FCHSD2: variants seen among roughly 807,000 people sequenced by gnomAD.
FCHSD2 encodes the protein FCH and double SH3 domains 2, also known as F-BAR and double SH3 domains protein 2.
FCHSD2 carries 38 observed loss-of-function variants against 108.1 expected under a neutral mutation model. That is an observed-to-expected ratio of 0.35 (90% CI 0.27 to 0.46). FCHSD2 has a LOEUF of 0.46. FCHSD2 is among the 20% of genes least tolerant of loss of function. FCHSD2 has a pLI of 1.00. For synonymous variants in FCHSD2, 279 were observed against 314.7 expected, an observed-to-expected ratio of 0.89 and a Z score of 1.20; for missense variants, 751 against 897.8, an observed-to-expected ratio of 0.84 and a Z score of 2.09.
intron 2 of FCHSD2, among the ~76,000 whole-genome samples, chr11:73,090,070 G>C (rs1245081783): frequency 6.6e-6 from 1 of 151,632 alleles, no homozygotes; most frequent in African/African-American, 2.4e-5. Context: ...AAATTCTCAG[G>C]GAAAAAAGAT....
intron 18 of FCHSD2, 110 bp from the exon 19 acceptor site, chr11:72,841,069 G>A: frequency 1.3e-6 from 1 of 779,060 alleles, no homozygotes; most frequent in Non-Finnish European, 2.2e-6. Context: ...TTGGGATACT[G>A]AGGCGGGAGG....
chr11:72,980,663 A>G (rs910959972), intron 8 of FCHSD2, among the ~76,000 whole-genome samples: 57 of 107,202 alleles, frequency 5.3e-4, no homozygotes, highest in South Asian at 9.7e-4. Flanking sequence ...ATGTATGTGT[A>G]TGTGTGTGTG....
chr11:72,918,114 C>A (rs2135306055), intron 9 of FCHSD2, among the ~76,000 whole-genome samples: 1 of 152,140 alleles, frequency 6.6e-6, no homozygotes, highest in African/African-American at 2.4e-5. Context: ...CCTTTAACTC[C>A]TTTGGTTAAG....
At chr11:72,940,246 T>C (rs148778084) in intron 8 of FCHSD2, among the ~76,000 whole-genome samples, 17 of 152,276 alleles carry the variant, frequency 1.1e-4, no homozygotes, top group Non-Finnish European at 2.4e-4. Flanking sequence ...TGGGGCTTTG[T>C]GTGTTTATAT....
intron 10 of FCHSD2, among the ~76,000 whole-genome samples, chr11:72,895,682 CAA>C: frequency 6.6e-6 from 1 of 152,268 alleles, no homozygotes; most frequent in African/African-American, 2.4e-5. Flanking sequence ...GGACTTTTTA[CAA>C]AAAGCCTTTT....
At chr11:73,011,296 C>A (rs1857858883) in intron 4 of FCHSD2, among the ~76,000 whole-genome samples, 1 of 152,118 alleles carries the variant, frequency 6.6e-6, no homozygotes, top group African/African-American at 2.4e-5. Flanking sequence ...GCAGTAGTGG[C>A]TGCACTGCTG....
chr11:72,911,552 T>C lies in FCHSD2; in HGVS notation c.829-8914A>G, dbSNP rs78807111. 5.7e-3 allele frequency among the ~76,000 whole-genome samples: 865 copies of C among 152,344 alleles called. 12 individuals are homozygous for C. The highest frequency in any genetic ancestry group is 0.02 in the African/African-American group (833 of 41,580). On this transcript the variant is annotated intron_variant, in intron 9 of 19. Transcript: ENST00000409418. ...CACTGGTATTTTGAAAGAGACTGCA[T>C]TGAATCTGTAGACTGCTTTGGGTAG... is the stretch of plus-strand genomic sequence containing the variant.
At chr11:72,974,607 A>G (rs929456229) in intron 8 of FCHSD2, among the ~76,000 whole-genome samples, 1 of 152,230 alleles carries the variant, frequency 6.6e-6, no homozygotes, top group Non-Finnish European at 1.5e-5. Flanking sequence ...GTGGCCTTTA[A>G]GCATTTGAAA....
At chr11:73,094,764 A>G (rs968309532) in intron 2 of FCHSD2, among the ~76,000 whole-genome samples, 1 of 152,204 alleles carries the variant, frequency 6.6e-6, no homozygotes, top group Non-Finnish European at 1.5e-5. Context: ...ATAAAGAAAT[A>G]TCTTAATTTT....
chr11:73,083,740 C>A lies in FCHSD2; in HGVS notation c.120G>T (p.Arg40Ser). 6.5e-7 allele frequency: 1 copy of A among 1,535,714 alleles called. No homozygotes were observed. The highest frequency in any genetic ancestry group is 8.8e-7 in the Non-Finnish European group (1 of 1,133,150). The change falls in exon 3 of 20, where the codon AGG becomes AGT. Residue 40 changes from arginine to serine, a missense_variant and splice_region_variant. By Grantham distance (110) the Arg-to-Ser change is moderately radical. Transcript: ENST00000409418. ...QAECDLLEDM[R>S]TFSQKKAAIE... Reference sequence around the variant, plus strand: ...TAGCAGCCTTCTTCTGACTGAATGTCCTAAAAATACAAAGAAAAATTAATT... The same window carrying A: ...TAGCAGCCTTCTTCTGACTGAATGTACTAAAAATACAAAGAAAAATTAATT...
intron 2 of FCHSD2, among the ~76,000 whole-genome samples, chr11:73,089,747 CA>C (rs1270179804): frequency 6.6e-6 from 1 of 151,992 alleles, no homozygotes; most frequent in African/African-American, 2.4e-5. Context: ...TCCAGAGAGA[CA>C]AAAAGTAAAT....
intron 9 of FCHSD2, among the ~76,000 whole-genome samples, chr11:72,906,540 AG>A (rs1855634740): frequency 6.6e-6 from 1 of 152,150 alleles, no homozygotes; most frequent in African/African-American, 2.4e-5. Context: ...GTTTTCTTCT[AG>A]GGTTTTTATG....
intron 3 of FCHSD2, among the ~76,000 whole-genome samples, chr11:73,041,285 G>GT (rs1170815028): frequency 1.3e-5 from 2 of 152,068 alleles, no homozygotes; most frequent in Admixed American, 1.3e-4. Flanking sequence ...TCTATTTTTA[G>GT]TTTTTTGAGA....
chr11:72,902,887 A>G (rs1855555421), intron 9 of FCHSD2, among the ~76,000 whole-genome samples: 1 of 152,208 alleles, frequency 6.6e-6, no homozygotes, highest in African/African-American at 2.4e-5. Flanking sequence ...TGGGGACTGG[A>G]CAATATATAA....
chr11:72,975,325 G>C (rs182253972), intron 8 of FCHSD2, among the ~76,000 whole-genome samples: 20 of 152,278 alleles, frequency 1.3e-4, no homozygotes, highest in Non-Finnish European at 2.5e-4. Flanking sequence ...TCCAGCAGTA[G>C]AGAGTAGATT....
intron 12 of FCHSD2, among the ~76,000 whole-genome samples, chr11:72,875,736 GGTATCCATGTA>G (rs1406808990): frequency 2.0e-5 from 3 of 152,168 alleles, no homozygotes; most frequent in Non-Finnish European, 4.4e-5. Context: ...CATGCTTCCT[GGTATCCATGTA>G]GTCCACTCCC....
At chr11:72,957,032 T>C (rs1288544124) in intron 8 of FCHSD2, among the ~76,000 whole-genome samples, 25 of 140,646 alleles carry the variant, frequency 1.8e-4, no homozygotes, top group East Asian at 4.2e-4. Context: ...TTTTTTTTTT[T>C]CTTCTTTTTT....
intron 12 of FCHSD2, among the ~76,000 whole-genome samples, chr11:72,870,699 T>C (rs1264866103): frequency 6.6e-6 from 1 of 151,802 alleles, no homozygotes; most frequent in Non-Finnish European, 1.5e-5. Flanking sequence ...AGGAGATCGA[T>C]ACCATCCTGG....
intron 3 of FCHSD2, among the ~76,000 whole-genome samples, chr11:73,046,076 G>A (rs1046574886): frequency 1.3e-5 from 2 of 149,490 alleles, no homozygotes; most frequent in African/African-American, 4.9e-5. Context: ...CTGCCACTTC[G>A]AATTACTGGA....
Sources: allele counts gnomAD v4.1 joint callset (sites outside exome capture counted in the v4.1 genomes callset), GRCh38; gene constraint gnomAD v4.1.1; transcripts MANE v1.5; gene names NCBI Gene and HGNC (gene_info 2026-07-23, HGNC 2026-07-21).